DNAH9: variants seen among roughly 807,000 people sequenced by gnomAD.
The protein encoded by DNAH9 is DNAH9 variant protein.
In DNAH9, 345 loss-of-function variants were observed where a neutral mutation model predicts 471.6. That is an observed-to-expected ratio of 0.73 (90% confidence interval 0.67 to 0.80). DNAH9 has a LOEUF of 0.80. Ranked by LOEUF, DNAH9 falls within the 30% of genes least tolerant of loss-of-function variation. DNAH9 has a pLI of 0.00. For synonymous variants in DNAH9, 2,093 were observed against 2,123.6 expected, an observed-to-expected ratio of 0.99 and a Z score of 0.40; for missense variants, 5,407 against 5,609.2, an observed-to-expected ratio of 0.96 and a Z score of 1.15.
intron 4 of DNAH9, among the ~76,000 whole-genome samples, chr17:11,614,645 C>T (rs908940973): frequency 7.9e-5 from 12 of 152,210 alleles, no homozygotes; most frequent in African/African-American, 2.9e-4. Flanking sequence ...GTTCTTGAGG[C>T]TGAGAAGTTC....
chr17:11,756,110 T>C (rs1261356444), intron 33 of DNAH9, among the ~76,000 whole-genome samples: 1 of 151,958 alleles, frequency 6.6e-6, no homozygotes, highest in Non-Finnish European at 1.5e-5. Context: ...ACCCCGTCTC[T>C]ACAAAAAATA....
chr17:11,882,840 G>A (rs1972772932), intron 55 of DNAH9: 1 of 720,164 alleles, frequency 1.4e-6, no homozygotes, highest in Non-Finnish European at 1.7e-6. Flanking sequence ...AAGCCTCTGG[G>A]CATAGAGCAT....
intron 33 of DNAH9, 88 bp from the exon 34 acceptor site, chr17:11,756,480 C>A: frequency 1.3e-6 from 1 of 792,126 alleles, no homozygotes; most frequent in South Asian, 1.4e-5. Flanking sequence ...TAATCCCAAC[C>A]AAACCAATAA....
rs2150949611 is a variant in DNAH9 at position 11,830,224 on chromosome 17, C to T, written c.9247-4414C>T. Reference sequence around the variant, plus strand: ...TCCTTTCTCTTGGCATTGCCTGGTCCCCCTTTCCTGAGTTAGGTTTCACTT... The same window carrying T: ...TCCTTTCTCTTGGCATTGCCTGGTCTCCCTTTCCTGAGTTAGGTTTCACTT... On this transcript the variant is annotated intron_variant, in intron 48 of 68. Transcript: ENST00000262442. Among the ~76,000 whole-genome samples the T allele has an allele frequency of 1.3e-5, 2 of 152,316 alleles. 1 individual carries two copies. The highest frequency in any genetic ancestry group is 4.1e-4 in the South Asian group (2 of 4,824).
intron 1 of DNAH9, among the ~76,000 whole-genome samples, chr17:11,602,971 G>A (rs769154298): frequency 6.6e-6 from 1 of 152,060 alleles, no homozygotes; most frequent in Non-Finnish European, 1.5e-5. Flanking sequence ...CATGCACACG[G>A]TCTCTTCTCT....
At chr17:11,877,579 C>A (rs948826440) in intron 53 of DNAH9, among the ~76,000 whole-genome samples, 4 of 150,990 alleles carry the variant, frequency 2.6e-5, no homozygotes, top group Non-Finnish European at 4.4e-5. Context: ...CAAACAGCCA[C>A]TCAAAGTGAG....
chr17:11,679,382 G>C (rs964440101), intron 17 of DNAH9, among the ~76,000 whole-genome samples: 2 of 152,138 alleles, frequency 1.3e-5, no homozygotes, highest in Non-Finnish European at 2.9e-5. Context: ...CATAAATTTT[G>C]CCACTTCTCT....
At chr17:11,737,203 TAC>T (rs1038594810) in intron 28 of DNAH9, among the ~76,000 whole-genome samples, 1 of 152,220 alleles carries the variant, frequency 6.6e-6, no homozygotes, top group African/African-American at 2.4e-5. Context: ...CTCAAACGCA[TAC>T]AGTCATTAGC....
chr17:11,930,284 C>T (rs1167051980), intron 63 of DNAH9, among the ~76,000 whole-genome samples, 191 bp downstream of exon 63: 2 of 152,086 alleles, frequency 1.3e-5, no homozygotes, highest in Admixed American at 6.5e-5. Context: ...CCAGATAACC[C>T]CAGGGGAGTA....
intron 41 of DNAH9, among the ~76,000 whole-genome samples, chr17:11,791,388 C>G (rs1357531300): frequency 6.6e-6 from 1 of 152,070 alleles, no homozygotes; most frequent in Admixed American, 6.6e-5. Flanking sequence ...TTGCCATCAC[C>G]CGGAAGAAGC....
intron 61 of DNAH9, among the ~76,000 whole-genome samples, chr17:11,914,108 G>A (rs1973868960): frequency 6.6e-6 from 1 of 152,194 alleles, no homozygotes; most frequent in African/African-American, 2.4e-5. Flanking sequence ...TTGATCAAAT[G>A]TCATAATCTT....
intron 43 of DNAH9, among the ~76,000 whole-genome samples, 163 bp downstream of exon 43, chr17:11,797,956 C>T (rs542856762): frequency 7.2e-4 from 110 of 152,196 alleles, no homozygotes; most frequent in Non-Finnish European, 1.4e-3. Context: ...CAGCTCCTGC[C>T]GCAGACCCTA....
At chr17:11,946,677 A>AAG (rs1273821654) in intron 67 of DNAH9, among the ~76,000 whole-genome samples, 1 of 150,218 alleles carries the variant, frequency 6.7e-6, no homozygotes, top group Non-Finnish European at 1.5e-5. Context: ...AAAAAAAAAA[A>AAG]AAAGAAAAAG....
intron 27 of DNAH9, among the ~76,000 whole-genome samples, chr17:11,725,949 A>G (rs1597549212): frequency 6.6e-6 from 1 of 152,166 alleles, no homozygotes; most frequent in Non-Finnish European, 1.5e-5. Context: ...TCTCATAACA[A>G]TGCTCTGCTC....
chr17:11,815,886 T>A (rs1369185519), intron 45 of DNAH9, among the ~76,000 whole-genome samples: 1 of 152,212 alleles, frequency 6.6e-6, no homozygotes, highest in Admixed American at 6.5e-5. Context: ...CTTTGTCCTG[T>A]TTCCTTCCTT....
intron 67 of DNAH9, among the ~76,000 whole-genome samples, chr17:11,943,795 A>G (rs914717711): frequency 1.3e-5 from 2 of 152,238 alleles, no homozygotes; most frequent in African/African-American, 2.4e-5. Flanking sequence ...AAGGAGAGAC[A>G]GGAGGGGAAT....
intron 57 of DNAH9, among the ~76,000 whole-genome samples, chr17:11,887,736 T>TCACACACACACACA (rs35670481): frequency 4.7e-5 from 7 of 147,406 alleles, no homozygotes; most frequent in African/African-American, 1.8e-4. Context: ...ATACACACAG[T>TCACACACACACACA]CACACACACA....
At chr17:11,607,978 G>A (rs1056277538) in intron 1 of DNAH9, 151 bp from the exon 2 acceptor site, 9 of 561,536 alleles carry the variant, frequency 1.6e-5, no homozygotes, top group East Asian at 5.6e-5. Context: ...TGTCAAGGTC[G>A]TATGTAATGT....
chr17:11,733,800 G>T (rs939455288), intron 28 of DNAH9, among the ~76,000 whole-genome samples: 1 of 147,842 alleles, frequency 6.8e-6, no homozygotes, highest in African/African-American at 2.5e-5. Flanking sequence ...GGTGGAGCTT[G>T]CAGTGAGCCG....
Sources: allele counts gnomAD v4.1 joint callset (sites outside exome capture counted in the v4.1 genomes callset), GRCh38; gene constraint gnomAD v4.1.1; transcripts MANE v1.5; gene names NCBI Gene and HGNC (gene_info 2026-07-23, HGNC 2026-07-21).